The following KCNA6 variants were observed in gnomAD, a reference collection of about 807,000 sequenced individuals.
The protein encoded by KCNA6 is potassium voltage-gated channel subfamily A member 6, also known as human brain potassium channel-2.
A neutral mutation model predicts 29.5 loss-of-function variants in KCNA6; 17 were observed. The ratio of observed to expected loss-of-function variants is 0.58; its 90% CI spans 0.39 to 0.86. The LOEUF (loss-of-function observed/expected upper bound fraction) is 0.86, where lower values mean the gene tolerates loss of function less well. Ranked by LOEUF, KCNA6 falls within the 40% of genes least tolerant of loss-of-function variation. The probability of loss-of-function intolerance (pLI) is 0.00; values close to 1 mark genes in which losing one functional copy is unlikely to be tolerated. For synonymous variants in KCNA6, 296 were observed against 304.7 expected, an observed-to-expected ratio of 0.97 and a Z score of 0.30; for missense variants, 450 against 703.4, an observed-to-expected ratio of 0.64 and a Z score of 4.07.
At chr12:4,836,808 G>A in the KCNA6 span, among the ~76,000 whole-genome samples, 3 of 152,210 alleles carry the variant, frequency 2.0e-5, no homozygotes, top group East Asian at 5.8e-4. Context: ...AGCAGTGTCT[G>A]ATATAGCCAG....
the KCNA6 span, chr12:4,850,919 C>A: frequency 2.4e-6 from 1 of 417,154 alleles, no homozygotes; most frequent in Non-Finnish European, 4.8e-6. This position sits in a 1 kb window ranked among gnomAD's most constrained non-coding sequence, Gnocchi z 5.4. Context: ...TGAGACCAGA[C>A]CCGTTGTCCC....
chr12:4,820,945 T>C, the KCNA6 span, among the ~76,000 whole-genome samples: 1 of 152,160 alleles, frequency 6.6e-6, no homozygotes, highest in Non-Finnish European at 1.5e-5. Flanking sequence ...CTGTCATAGA[T>C]TGGAAATCAG....
chr12:4,839,613 A>G, the KCNA6 span, among the ~76,000 whole-genome samples: 1 of 152,236 alleles, frequency 6.6e-6, no homozygotes, highest in African/African-American at 2.4e-5. Context: ...AAAGTCAACC[A>G]TATTTATTTA....
At chr12:4,827,169 C>CTTCCCTCCTTCTTTCCCTCCTTCCCTCG in the KCNA6 span, among the ~76,000 whole-genome samples, 10 of 111,920 alleles carry the variant, frequency 8.9e-5, no homozygotes, top group African/African-American at 3.1e-4. Flanking sequence ...TCCTTCCCTC[C>CTTCCCTCCTTCTTTCCCTCCTTCCCTCG]TTCTTTCCTT....
the KCNA6 span, among the ~76,000 whole-genome samples, chr12:4,846,569 G>T: frequency 0.56 from 84,510 of 151,764 alleles, 24,023 homozygotes; most frequent in Non-Finnish European, 0.59. Flanking sequence ...TTTCCTTGTT[G>T]AGTTTTCTAT....
chr12:4,841,819 T>C, the KCNA6 span, among the ~76,000 whole-genome samples: 1 of 152,106 alleles, frequency 6.6e-6, no homozygotes, highest in Non-Finnish European at 1.5e-5. Context: ...AGTTGTAGAA[T>C]TTTATGGTAG....
the KCNA6 span, among the ~76,000 whole-genome samples, chr12:4,844,254 A>G: frequency 6.6e-6 from 1 of 152,224 alleles, no homozygotes; most frequent in South Asian, 2.1e-4. The surrounding 1 kb of genome is among the most constrained non-coding windows in gnomAD (Gnocchi z 4.0). Flanking sequence ...AGTAGGGAGA[A>G]TAAGCAAATG....
downstream of KCNA6, among the ~76,000 whole-genome samples, chr12:4,815,051 C>T (rs1946668811): frequency 6.6e-6 from 1 of 152,052 alleles, no homozygotes; most frequent in South Asian, 2.1e-4. Context: ...TTTCTCTTTC[C>T]TTCTTTTCAT....
chr12:4,846,935 C>G, the KCNA6 span, among the ~76,000 whole-genome samples: 1 of 151,602 alleles, frequency 6.6e-6, no homozygotes, highest in Non-Finnish European at 1.5e-5. Flanking sequence ...CCCGCCACCA[C>G]GCCCAGCTAA....
At chr12:4,827,186 C>CTCCTTCCTTCCTCCCTCCTTCCT in the KCNA6 span, among the ~76,000 whole-genome samples, 1 of 60,964 alleles carries the variant, frequency 1.6e-5, no homozygotes, top group African/African-American at 7.8e-5. Context: ...CCTTCCTTCC[C>CTCCTTCCTTCCTCCCTCCTTCCT]TCCTTCCTTC....
Position 4,810,825 on chromosome 12 carries a change from C to A in KCNA6, c.784C>A (p.Pro262Thr). 1 of 1,595,482 alleles carries A rather than the reference C, an allele frequency of 6.3e-7. No homozygotes were observed. The highest frequency in any genetic ancestry group is 8.5e-7 in the Non-Finnish European group (1 of 1,171,182). ...TCTTGGGGGCTCCTTCTTTACAGAC[C>A]CCTTCTTTCTGGTGGAGACGCTGTG... is the stretch of plus-strand genomic sequence containing the variant. The change falls in exon 1 of 1, where the codon CCC (proline) becomes ACC (threonine). Residue 262 changes from proline to threonine, a missense_variant. Pro to Thr is a conservative substitution (Grantham distance 38, BLOSUM62 -1). Transcript: ENST00000280684. The surrounding 1 kb of genome is among the most constrained non-coding windows in gnomAD (Gnocchi z 7.5).
the KCNA6 span, among the ~76,000 whole-genome samples, chr12:4,841,491 T>C: frequency 1.3e-5 from 2 of 152,178 alleles, no homozygotes; most frequent in African/African-American, 4.8e-5. Context: ...CCTAAAGTGC[T>C]CTATCAGATG....
At chr12:4,835,731 A>T in the KCNA6 span, among the ~76,000 whole-genome samples, 1 of 152,198 alleles carries the variant, frequency 6.6e-6, no homozygotes, top group East Asian at 1.9e-4. Context: ...TCCTGCCCAC[A>T]AAGACATCAA....
downstream of KCNA6, among the ~76,000 whole-genome samples, chr12:4,816,251 TGTGTGTGTGTGTGTG>T (rs1295987334): frequency 3.7e-4 from 2 of 5,360 alleles, no homozygotes; most frequent in Non-Finnish European, 5.6e-4. Context: ...CACGAACTGG[TGTGTGTGTGTGTGTG>T]TGTGTGTGTG....
Position 4,811,012 on chromosome 12 carries a change from C to G in KCNA6, c.971C>G (p.Ala324Gly). 6.2e-7 allele frequency: 1 copy of G among 1,614,262 alleles called. No homozygotes were observed. The highest frequency in any genetic ancestry group is 8.5e-7 in the Non-Finnish European group (1 of 1,180,052). The change falls in exon 1 of 1, where the codon GCC (alanine) becomes GGC (glycine). Residue 324 changes from alanine to glycine, a missense_variant. Transcript: ENST00000280684. The surrounding 1 kb of genome is among the most constrained non-coding windows in gnomAD (Gnocchi z 7.1). ...GTGCAGCAGCAGGAGCAGCAACCAG[C>G]CAGTGGAGGAGGCGGCCAGAATGGG...
chr12:4,825,431 T>C, the KCNA6 span, among the ~76,000 whole-genome samples: 3 of 152,232 alleles, frequency 2.0e-5, no homozygotes, highest in African/African-American at 7.2e-5. Flanking sequence ...TAAAAATTTT[T>C]ACCACAGAAT....
chr12:4,830,794 G>T, the KCNA6 span, among the ~76,000 whole-genome samples: 2 of 152,246 alleles, frequency 1.3e-5, no homozygotes, highest in East Asian at 3.9e-4. Flanking sequence ...GAGAAGGCGG[G>T]GTTTGCCTTG....
exon 1 of KCNA6, chr12:4,809,494 C>A (rs1311987123): frequency 1.3e-5 from 2 of 151,990 alleles, no homozygotes; most frequent in Admixed American, 1.3e-4. Flanking sequence ...CGGCCGGAAC[C>A]GCGACCTTGG....
the KCNA6 span, among the ~76,000 whole-genome samples, chr12:4,848,514 CAAA>C: frequency 6.9e-6 from 1 of 144,944 alleles, no homozygotes; most frequent in Admixed American, 6.8e-5. Flanking sequence ...CAGGAGGGAG[CAAA>C]AAAAAAAAAA....
Sources: gnomAD v4.1 joint callset for allele counts (sites outside exome capture counted in the v4.1 genomes callset) on GRCh38, gnomAD v4.1.1 for gene constraint, Gnocchi (gnomAD v3.1) non-coding constraint, MANE v1.5 for transcripts, NCBI Gene and HGNC (gene_info 2026-07-23, HGNC 2026-07-21) for gene names.